The following YPEL1 variants were observed in gnomAD, a reference collection of about 807,000 sequenced individuals.
YPEL1 encodes yippee like 1, also known as protein yippee-like 1.
YPEL1 carries 7 observed loss-of-function variants against 17.3 expected under a neutral mutation model. The ratio of observed to expected loss-of-function variants is 0.40; its 90% CI spans 0.23 to 0.76. The LOEUF (loss-of-function observed/expected upper bound fraction) is 0.76. Among genes scored for constraint, YPEL1 ranks in the 30% least tolerant of loss-of-function variants. The probability of loss-of-function intolerance (pLI) is 0.35; values close to 1 mark genes in which losing one functional copy is unlikely to be tolerated. For synonymous variants in YPEL1, 59 were observed against 59.6 expected (o/e 0.99, Z 0.05); for missense variants, 91 against 155.5 (o/e 0.59, Z 2.21).
intron 1 of YPEL1, among the ~76,000 whole-genome samples, chr22:21,731,584 G>GT (rs1322347728): frequency 2.6e-5 from 4 of 151,648 alleles, no homozygotes; most frequent in African/African-American, 9.7e-5. Context: ...ACCAGAAAAG[G>GT]TGAGGGGGAA....
chr22:21,723,690 A>T (rs1265756077), intron 1 of YPEL1, among the ~76,000 whole-genome samples: 5 of 144,806 alleles, frequency 3.5e-5, no homozygotes, highest in Non-Finnish European at 7.5e-5. Context: ...ATTTTAATTA[A>T]TTTTTTTTTT....
intron 4 of YPEL1, among the ~76,000 whole-genome samples, chr22:21,702,329 G>C (rs968129254): frequency 6.6e-6 from 1 of 152,214 alleles, no homozygotes; most frequent in Non-Finnish European, 1.5e-5. Flanking sequence ...GACTGACCAG[G>C]GGAAGGGCTA....
chr22:21,729,140 T>C (rs1001702076), intron 1 of YPEL1, among the ~76,000 whole-genome samples: 1 of 127,462 alleles, frequency 7.8e-6, no homozygotes, highest in African/African-American at 3.1e-5. Context: ...CAAAACTCCA[T>C]CCTGAAGAAA....
intron 2 of YPEL1, among the ~76,000 whole-genome samples, chr22:21,706,436 C>T (rs960225051): frequency 1.2e-5 from 1 of 86,848 alleles, no homozygotes; most frequent in African/African-American, 4.4e-5. Flanking sequence ...CTCCGTCTCA[C>T]AAAAAAAAAA....
At chr22:21,728,307 A>T (rs1467850272) in intron 1 of YPEL1, among the ~76,000 whole-genome samples, 2 of 152,036 alleles carry the variant, frequency 1.3e-5, no homozygotes, top group Non-Finnish European at 1.5e-5. Flanking sequence ...CCTCACTGGC[A>T]AGGCACCGTC....
chr22:21,705,672 TG>T (rs1202873989), intron 2 of YPEL1, among the ~76,000 whole-genome samples: 1 of 152,144 alleles, frequency 6.6e-6, no homozygotes, highest in African/African-American at 2.4e-5. Flanking sequence ...TAAGGAAATG[TG>T]ACAGGAATGG....
intron 1 of YPEL1, among the ~76,000 whole-genome samples, chr22:21,717,869 G>C (rs369211228): frequency 1.3e-4 from 20 of 152,168 alleles, no homozygotes; most frequent in Non-Finnish European, 2.2e-4. Context: ...GCTCACACTT[G>C]TCATCCCAGC....
intron 1 of YPEL1, among the ~76,000 whole-genome samples, chr22:21,726,229 C>T (rs2068334279): frequency 6.6e-6 from 1 of 152,174 alleles, no homozygotes; most frequent in African/African-American, 2.4e-5. Context: ...GAAGGACCAG[C>T]CGCAGCCTGC....
rs1342087248 is a variant in YPEL1, at chr22:21,720,079, G to A, written c.-164-9171C>T. On this transcript the variant is annotated intron_variant, in intron 1 of 4. Transcript: ENST00000339468. Reference sequence around the variant, plus strand: ...TGTAATCCCAGCTACTTGGGAGGCTGAGGCAGGAGAATCACTTGAACCTGG... The same window carrying A: ...TGTAATCCCAGCTACTTGGGAGGCTAAGGCAGGAGAATCACTTGAACCTGG... Among the ~76,000 whole-genome samples the A allele has an allele frequency of 2.0e-5, 3 of 150,552 alleles. No individual in the cohort carries two copies. The East Asian group carries it at 6.0e-4, about 30-fold the overall frequency.
intron 1 of YPEL1, among the ~76,000 whole-genome samples, chr22:21,717,146 G>A (rs1275008950): frequency 6.8e-6 from 1 of 146,658 alleles, no homozygotes; most frequent in Non-Finnish European, 1.5e-5. Flanking sequence ...CTGGGGGGGC[G>A]GGGGGCGGAT....
intron 1 of YPEL1, among the ~76,000 whole-genome samples, chr22:21,725,450 C>T (rs2068326347): frequency 6.6e-6 from 1 of 151,424 alleles, no homozygotes; most frequent in African/African-American, 2.4e-5. Context: ...CGGCTGGTCT[C>T]GATCTCCTGA....
intron 2 of YPEL1, among the ~76,000 whole-genome samples, chr22:21,707,842 G>A (rs1355798762): frequency 6.6e-6 from 1 of 152,190 alleles, no homozygotes; most frequent in Non-Finnish European, 1.5e-5. Flanking sequence ...GGCTTTGGAG[G>A]ACATATGGTC....
chr22:21,717,393 C>G (rs867287027), intron 1 of YPEL1, among the ~76,000 whole-genome samples: 191 of 137,826 alleles, frequency 1.4e-3, no homozygotes, highest in Middle Eastern at 7.6e-3. Flanking sequence ...AAAAAAAAAA[C>G]AAAAAAACAG....
chr22:21,708,118 G>A (rs140337476), intron 2 of YPEL1, among the ~76,000 whole-genome samples: 34 of 152,078 alleles, frequency 2.2e-4, no homozygotes, highest in African/African-American at 7.0e-4. Flanking sequence ...AGGTGTTCTC[G>A]ATGGTCTCAA....
At chr22:21,722,942 G>T (rs1391230729) in intron 1 of YPEL1, 1 of 148,766 alleles carries the variant, frequency 6.7e-6, no homozygotes. Flanking sequence ...TTACAGGCAC[G>T]ATGCCACTAC....
intron 1 of YPEL1, among the ~76,000 whole-genome samples, chr22:21,729,422 C>T (rs2068366739): frequency 6.8e-6 from 1 of 146,490 alleles, no homozygotes; most frequent in African/African-American, 2.5e-5. Flanking sequence ...GCCTGGCCAA[C>T]ACAGCAAGAC....
intron 1 of YPEL1, among the ~76,000 whole-genome samples, chr22:21,721,041 C>T (rs1196015303): frequency 6.6e-6 from 1 of 151,678 alleles, no homozygotes; most frequent in Non-Finnish European, 1.5e-5. Flanking sequence ...AAACTCCTGG[C>T]CTCAAGTGAT....
At chr22:21,715,547 A>G (rs2068213039) in intron 1 of YPEL1, among the ~76,000 whole-genome samples, 2 of 151,960 alleles carry the variant, frequency 1.3e-5, no homozygotes, top group East Asian at 3.9e-4. Flanking sequence ...GCTGCTTACT[A>G]TGTATAGTTC....
At position 21,698,241 on chromosome 22, in the gene YPEL1, A is replaced by AGTGTT. The variant is rs2068013728; in HGVS notation, c.*2883_*2887dup. ...AGCCCAACAAAAAAAAAGTGATAAA[A>AGTGTT]GTGTTGTTGGTATAAATTACAAAAA... On this transcript the variant is annotated 3_prime_UTR_variant, in exon 5 of 5. Coordinates refer to ENST00000339468, the MANE Select transcript of YPEL1 (RefSeq NM_013313.5). The AGTGTT allele has an allele frequency of 6.9e-6, 1 of 145,878 alleles. No individual in the cohort carries two copies. The highest frequency in any genetic ancestry group is 1.5e-5 in the Non-Finnish European group (1 of 66,350). The allele number at this position is 145,878 out of a possible 1,614,324, so 9.0% of individuals were successfully genotyped here. A position where few individuals can be genotyped will look rare whatever the true frequency, so the allele number is the denominator to read the frequency against.
Sources: gnomAD v4.1 joint callset for allele counts (sites outside exome capture counted in the v4.1 genomes callset) on GRCh38, gnomAD v4.1.1 for gene constraint, MANE v1.5 for transcripts, NCBI Gene and HGNC (gene_info 2026-07-23, HGNC 2026-07-21) for gene names.